Variants in GLIS3 observed in about 807,000 individuals in gnomAD.
GLIS3 encodes the protein zinc finger protein GLIS3.
GLIS3 carries 53 observed loss-of-function variants against 78.6 expected under a neutral mutation model. The ratio of observed to expected loss-of-function variants is 0.67; its 90% CI spans 0.54 to 0.85. GLIS3 has a LOEUF of 0.85. GLIS3 is among the 40% of genes least tolerant of loss of function. The pLI is 0.00. For synonymous variants in GLIS3, 684 were observed against 509.9 expected, an observed-to-expected ratio of 1.34 and a Z score of -4.60; for missense variants, 1,703 against 1,231.1, an observed-to-expected ratio of 1.38 and a Z score of -5.74.
chr9:4,244,809 T>C (rs895609328), intron 2 of GLIS3, among the ~76,000 whole-genome samples: 2 of 151,996 alleles, frequency 1.3e-5, no homozygotes, highest in African/African-American at 4.8e-5. Context: ...CTCCTGGCCT[T>C]AGGTGATCCA....
At chr9:4,180,704 C>A (rs10814858) in intron 2 of GLIS3, among the ~76,000 whole-genome samples, 41,535 of 152,122 alleles carry the variant, frequency 0.27, 6,675 homozygotes, top group South Asian at 0.48. Flanking sequence ...ACCCCCAATT[C>A]TTGTGCATTG....
intron 4 of GLIS3, among the ~76,000 whole-genome samples, chr9:3,939,476 A>C (rs1417547234): frequency 6.6e-6 from 1 of 152,256 alleles, no homozygotes; most frequent in Admixed American, 6.5e-5. Flanking sequence ...TAACAGAAGC[A>C]ACAATCAAAG....
At chr9:4,072,504 AT>A (rs1309944867) in intron 4 of GLIS3, among the ~76,000 whole-genome samples, 1 of 152,032 alleles carries the variant, frequency 6.6e-6, no homozygotes, top group African/African-American at 2.4e-5. Context: ...ATTTTTATTT[AT>A]TTTTTTGAGG....
rs144648063 is a variant in GLIS3 at position 3,829,428 on chromosome 9, C to G, written c.2538G>C (p.Pro846=). ...GCACCACACTGCAGGAGCTGACAGGCGGCACAATTCTCTGGGAATCGGGGT... is the reference window on the plus strand; with the variant it reads ...GCACCACACTGCAGGAGCTGACAGGGGGCACAATTCTCTGGGAATCGGGGT... ...PHYPDSQRIV[P]PVSSCSVVPS... is the part of the protein sequence containing the mutation. Residue 846 remains proline, a synonymous_variant, in exon 10 of 11, where the codon CCG becomes CCC. Transcript: ENST00000381971. 6.2e-7 allele frequency: 1 copy of G among 1,614,102 alleles called. No individual in the cohort carries two copies. The highest frequency in any genetic ancestry group is 8.5e-7 in the Non-Finnish European group (1 of 1,180,012).
chr9:4,225,954 C>T (rs1174610821), intron 2 of GLIS3, among the ~76,000 whole-genome samples: 1 of 152,154 alleles, frequency 6.6e-6, no homozygotes, highest in Non-Finnish European at 1.5e-5. Flanking sequence ...CACTTATTAG[C>T]GCCACCTACC....
At chr9:4,020,292 GTTTTGTTTT>G (rs1246339218) in intron 4 of GLIS3, among the ~76,000 whole-genome samples, 1 of 152,080 alleles carries the variant, frequency 6.6e-6, no homozygotes, top group Non-Finnish European at 1.5e-5. Flanking sequence ...AGTTCTGTTT[GTTTTGTTTT>G]TTTTGTTTTG....
the GLIS3 span, among the ~76,000 whole-genome samples, chr9:4,369,944 C>A: frequency 6.6e-6 from 1 of 152,166 alleles, no homozygotes; most frequent in African/African-American, 2.4e-5. Flanking sequence ...ATAATCCCAG[C>A]ATTTTGGGAG....
the GLIS3 span, among the ~76,000 whole-genome samples, chr9:4,436,542 A>T: frequency 1.1e-3 from 162 of 152,072 alleles, 2 homozygotes; most frequent in Middle Eastern, 0.02. Flanking sequence ...TGGGTGGCTC[A>T]GCCTGTAATC....
chr9:4,219,371 G>T (rs1821124889), intron 2 of GLIS3, among the ~76,000 whole-genome samples: 1 of 152,182 alleles, frequency 6.6e-6, no homozygotes, highest in African/African-American at 2.4e-5. Flanking sequence ...CAAGACAAGG[G>T]TAATCTGGAC....
At chr9:4,369,519 G>A in the GLIS3 span, among the ~76,000 whole-genome samples, 5 of 152,284 alleles carry the variant, frequency 3.3e-5, no homozygotes, top group South Asian at 6.2e-4. Flanking sequence ...TGTCTTGAGA[G>A]AACATGGTGC....
At chr9:4,274,635 G>A (rs1184198761) in intron 2 of GLIS3, among the ~76,000 whole-genome samples, 1 of 152,094 alleles carries the variant, frequency 6.6e-6, no homozygotes, top group Non-Finnish European at 1.5e-5. Flanking sequence ...GACTTCACTA[G>A]CAAAAAACAG....
At chr9:4,427,743 C>T in the GLIS3 span, among the ~76,000 whole-genome samples, 1 of 151,798 alleles carries the variant, frequency 6.6e-6, no homozygotes, top group Non-Finnish European at 1.5e-5. Flanking sequence ...CCTGCAATCC[C>T]AGCTACTCAG....
the GLIS3 span, among the ~76,000 whole-genome samples, chr9:4,420,131 A>C: frequency 6.6e-6 from 1 of 152,222 alleles, no homozygotes; most frequent in Non-Finnish European, 1.5e-5. Context: ...GTTCAAAAAA[A>C]CAAAATCACT....
chr9:4,156,858 G>C (rs1045516433), intron 2 of GLIS3, among the ~76,000 whole-genome samples: 2 of 152,168 alleles, frequency 1.3e-5, no homozygotes, highest in Non-Finnish European at 2.9e-5. Context: ...TTAGCTTGCA[G>C]TGGTTCTCAA....
rs924154049 is a variant in GLIS3, at chr9:3,977,295, C to T, written c.1711-40106G>A. Among the ~76,000 whole-genome samples the T allele has an allele frequency of 6.6e-6, 1 of 152,056 alleles. No individual in the cohort carries two copies. Among genetic ancestry groups the T allele is most frequent in the Non-Finnish European group, 1.5e-5 (1 of 68,004 alleles). ...CAAGCAATGTTTAAAATGTAAGGAC[C>T]GAGAGGAAAGCTCTTGGCTCTATCA... On this transcript the variant is annotated intron_variant, in intron 4 of 10. Transcript: ENST00000381971. This position sits in a 1 kb window ranked among gnomAD's most constrained non-coding sequence, Gnocchi z 4.1.
chr9:4,417,098 A>T, the GLIS3 span, among the ~76,000 whole-genome samples: 2 of 152,140 alleles, frequency 1.3e-5, no homozygotes, highest in Non-Finnish European at 2.9e-5. Context: ...CAGGCTACAC[A>T]ATTATACACT....
At chr9:4,461,712 C>T in the GLIS3 span, among the ~76,000 whole-genome samples, 7 of 152,246 alleles carry the variant, frequency 4.6e-5, no homozygotes, top group South Asian at 4.1e-4. Flanking sequence ...AACTATCACA[C>T]GGCTACCATC....
At chr9:4,059,040 GCTAGTTGACGAAGGGGACCCTGAGT>G (rs1826396380) in intron 4 of GLIS3, among the ~76,000 whole-genome samples, 1 of 151,698 alleles carries the variant, frequency 6.6e-6, no homozygotes, top group African/African-American at 2.4e-5. Context: ...CTGTCAGGCT[GCTAGTTGACGAAGGGGACCCTGAGT>G]CATCTAATCT....
At chr9:3,927,431 C>T (rs1354750353) in intron 6 of GLIS3, among the ~76,000 whole-genome samples, 5 of 152,136 alleles carry the variant, frequency 3.3e-5, no homozygotes, top group Admixed American at 2.6e-4. Flanking sequence ...TTGGGTAGTA[C>T]TTAACTTAGT....
Sources: gnomAD v4.1 joint callset for allele counts (sites outside exome capture counted in the v4.1 genomes callset) on GRCh38, gnomAD v4.1.1 for gene constraint, Gnocchi (gnomAD v3.1) non-coding constraint, MANE v1.5 for transcripts, NCBI Gene and HGNC (gene_info 2026-07-23, HGNC 2026-07-21) for gene names.